Variants in SEMA5A observed in about 807,000 individuals in gnomAD.
The protein encoded by SEMA5A is semaphorin 5A, also known as semaphorin-5A.
A neutral mutation model predicts 135.5 loss-of-function variants in SEMA5A; 55 were observed. That is an observed-to-expected ratio of 0.41 (90% CI 0.33 to 0.51). The LOEUF (loss-of-function observed/expected upper bound fraction) is 0.51. Among genes scored for constraint, SEMA5A ranks in the 20% least tolerant of loss-of-function variants. SEMA5A has a pLI of 0.37. For synonymous variants in SEMA5A, 580 were observed against 546.5 expected (o/e 1.06, Z -0.85); for missense variants, 1,290 against 1,419.9 (o/e 0.91, Z 1.47).
At position 9,149,193 on chromosome 5, in the gene SEMA5A, G is replaced by A. The variant is rs1560962940; in HGVS notation, c.1481+5295C>T. Among the ~76,000 whole-genome samples the A allele has an allele frequency of 3.9e-5, 6 of 152,164 alleles. No homozygotes were observed. The South Asian group carries it at 1.2e-3, about 31-fold the overall frequency. ...CCCACACATCTACCCATTCATTATG[G>A]TCTATGGCTGCTTTCACACTGCAAG... On this transcript the variant is annotated intron_variant, in intron 12 of 22. Coordinates refer to ENST00000382496, the MANE Select transcript of SEMA5A (RefSeq NM_003966.3).
chr5:9,058,918 A>G (rs1346958714), intron 18 of SEMA5A, among the ~76,000 whole-genome samples: 7 of 152,212 alleles, frequency 4.6e-5, no homozygotes, highest in Non-Finnish European at 8.8e-5. Context: ...ACTTCAAAGT[A>G]TGGACTCAAG....
chr5:9,290,048 A>C (rs80023991), intron 5 of SEMA5A, among the ~76,000 whole-genome samples: 19,479 of 152,168 alleles, frequency 0.13, 1,297 homozygotes, highest in South Asian at 0.19. Flanking sequence ...TTTAAAAATT[A>C]CTTTTAATTT....
At chr5:9,452,439 C>T (rs921784148) in intron 1 of SEMA5A, among the ~76,000 whole-genome samples, 1 of 152,156 alleles carries the variant, frequency 6.6e-6, no homozygotes, top group Non-Finnish European at 1.5e-5. Context: ...AGCCAGCGTT[C>T]CCTGACACCT....
At position 9,508,015 on chromosome 5, in the gene SEMA5A, A is replaced by G. The variant is rs76198267; in HGVS notation, c.-175+37569T>C. ...CAAGACTCTGTCTCAAAAAAAAAAAAAAGAAAAGAAAAAAAGAAAAAACTT... is the reference window on the plus strand; with the variant it reads ...CAAGACTCTGTCTCAAAAAAAAAAAGAAGAAAAGAAAAAAAGAAAAAACTT... On this transcript the variant is annotated intron_variant, in intron 1 of 22. Coordinates refer to ENST00000382496, the MANE Select transcript of SEMA5A (RefSeq NM_003966.3). 2.4e-3 allele frequency among the ~76,000 whole-genome samples: 64 copies of G among 26,858 alleles called. 1 individual carries two copies. Among genetic ancestry groups the G allele is most frequent in the East Asian group, 3.0e-3 (5 of 1,690 alleles). The allele number at this position is 26,858 out of a possible 152,430, so 17.6% of individuals were successfully genotyped here.
intron 5 of SEMA5A, among the ~76,000 whole-genome samples, chr5:9,257,685 C>G (rs761742793): frequency 6.6e-6 from 1 of 152,122 alleles, no homozygotes; most frequent in Non-Finnish European, 1.5e-5. Flanking sequence ...CTTACCCTTC[C>G]CCTTGGTCAT....
At chr5:9,447,719 A>G (rs936529233) in intron 1 of SEMA5A, among the ~76,000 whole-genome samples, 3 of 152,228 alleles carry the variant, frequency 2.0e-5, no homozygotes, top group Admixed American at 1.3e-4. Flanking sequence ...GAAATAAGCT[A>G]CAACACAACA....
intron 4 of SEMA5A, among the ~76,000 whole-genome samples, chr5:9,320,824 T>C (rs6864327): frequency 6.6e-6 from 1 of 152,156 alleles, no homozygotes; most frequent in African/African-American, 2.4e-5. Context: ...GTGACTCGCA[T>C]TTCAACATTA....
chr5:9,364,403 A>G (rs975855703), intron 3 of SEMA5A, among the ~76,000 whole-genome samples: 61 of 152,338 alleles, frequency 4.0e-4, no homozygotes, highest in African/African-American at 1.4e-3. Flanking sequence ...TCACAGGTCT[A>G]GATGAAATTC....
chr5:9,450,388 A>G (rs1758597513), intron 1 of SEMA5A, among the ~76,000 whole-genome samples: 1 of 152,228 alleles, frequency 6.6e-6, no homozygotes, highest in Non-Finnish European at 1.5e-5. Context: ...TGCTAAGTAT[A>G]CATTGTTCCA....
intron 3 of SEMA5A, among the ~76,000 whole-genome samples, chr5:9,350,777 G>A (rs1289984715): frequency 6.6e-6 from 1 of 152,156 alleles, no homozygotes; most frequent in Non-Finnish European, 1.5e-5. Context: ...AAGCTTTTCT[G>A]AGCTCAGGAT....
chr5:9,094,125 A>G (rs971305119), intron 16 of SEMA5A, among the ~76,000 whole-genome samples: 5 of 152,162 alleles, frequency 3.3e-5, no homozygotes, highest in African/African-American at 4.8e-5. Flanking sequence ...CTCCTTGAGA[A>G]AGTTTACTGT....
intron 3 of SEMA5A, among the ~76,000 whole-genome samples, chr5:9,351,116 C>T (rs1754093737): frequency 1.3e-5 from 2 of 152,192 alleles, no homozygotes; most frequent in African/African-American, 4.8e-5. Flanking sequence ...ACCTGCTTAT[C>T]TAGGAAGAGA....
Position 9,044,291 on chromosome 5 carries a change from C to T in SEMA5A, c.3105+82G>A, listed in dbSNP as rs1166057484. ...AATTCAGTTTCAAAGGAAACCACCA[C>T]AGCAGAGAAAGGGCATCAAAATACT... On this transcript the variant is annotated intron_variant, in intron 22 of 22. Transcript: ENST00000382496. 4.2e-6 allele frequency: 5 copies of T among 1,186,908 alleles called. No individual in the cohort carries two copies. In the African/African-American group the frequency reaches 7.5e-5, roughly 18 times the overall value. 73.5% of individuals were successfully genotyped at this position (1,186,908 alleles called of 1,614,324 possible).
intron 3 of SEMA5A, among the ~76,000 whole-genome samples, chr5:9,342,781 T>G (rs1753707035): frequency 6.6e-6 from 1 of 152,214 alleles, no homozygotes; most frequent in Admixed American, 6.5e-5. Context: ...ATTCCTGTAT[T>G]TCTCACACCT....
chr5:9,384,018 T>C (rs1338864776), intron 2 of SEMA5A, among the ~76,000 whole-genome samples: 1 of 152,202 alleles, frequency 6.6e-6, no homozygotes, highest in African/African-American at 2.4e-5. Context: ...GGAAAGAACA[T>C]TTAATGAGAA....
chr5:9,411,664 C>CTAGTTAAGGGTAAATGATATTGTGA (rs1757112892), intron 2 of SEMA5A, among the ~76,000 whole-genome samples: 2 of 326 alleles, frequency 6.1e-3, no homozygotes, highest in African/African-American at 6.4e-3. Context: ...TTAATCTTGG[C>CTAGTTAAGGGTAAATGATATTGTGA]CGGGCGCGGT....
chr5:9,387,367 G>A (rs1338152698), intron 2 of SEMA5A, among the ~76,000 whole-genome samples: 1 of 152,190 alleles, frequency 6.6e-6, no homozygotes, highest in Admixed American at 6.5e-5. Flanking sequence ...AGATAGGAGC[G>A]AGGATGAAGA....
chr5:9,144,024 C>T (rs376725276), intron 12 of SEMA5A, among the ~76,000 whole-genome samples: 2 of 152,140 alleles, frequency 1.3e-5, no homozygotes, highest in African/African-American at 4.8e-5. Flanking sequence ...GGAAGTAACT[C>T]ACCAGGAATG....
chr5:9,258,714 C>A (rs1749220172), intron 5 of SEMA5A, among the ~76,000 whole-genome samples: 1 of 150,956 alleles, frequency 6.6e-6, no homozygotes, highest in South Asian at 2.1e-4. Context: ...TTACAAATAG[C>A]ATTTAATCCA....
Sources: allele counts gnomAD v4.1 joint callset (sites outside exome capture counted in the v4.1 genomes callset), GRCh38; gene constraint gnomAD v4.1.1; transcripts MANE v1.5; gene names NCBI Gene and HGNC (gene_info 2026-07-23, HGNC 2026-07-21).